Variants in TNS4 observed in about 807,000 individuals in gnomAD.
TNS4 encodes tensin-4.
In TNS4, 46 loss-of-function variants were observed where a neutral mutation model predicts 70.4. The observed-to-expected ratio is 0.65, with a 90% CI of 0.52 to 0.84. The LOEUF (loss-of-function observed/expected upper bound fraction) is 0.84, where lower values mean the gene tolerates loss of function less well. TNS4 is among the 40% of genes least tolerant of loss of function. TNS4 has a pLI of 0.00. For missense variants in TNS4, 863 were observed against 907.0 expected (o/e 0.95, Z 0.62); for synonymous variants, 390 against 366.6 (o/e 1.06, Z -0.73).
chr17:40,495,873 T>G (rs2036135784), intron 2 of TNS4, 114 bp downstream of exon 2: 2 of 1,204,494 alleles, frequency 1.7e-6, no homozygotes, highest in South Asian at 3.3e-5. Context: ...TGGTTAGGTT[T>G]GCACAGCACC....
chr17:40,487,774 G>T (rs957916132), intron 3 of TNS4, among the ~76,000 whole-genome samples: 1 of 152,236 alleles, frequency 6.6e-6, no homozygotes, highest in African/African-American at 2.4e-5. Flanking sequence ...TGACTGAGCT[G>T]TCGGATCAGG....
intron 2 of TNS4, among the ~76,000 whole-genome samples, chr17:40,492,226 T>A (rs2036081529): frequency 6.6e-6 from 1 of 152,186 alleles, no homozygotes; most frequent in Non-Finnish European, 1.5e-5. Context: ...GCCCAGAGCC[T>A]GGGATTTGAG....
At chr17:40,497,087 C>T (rs973506422) in intron 1 of TNS4, among the ~76,000 whole-genome samples, 1 of 152,162 alleles carries the variant, frequency 6.6e-6, no homozygotes, top group African/African-American at 2.4e-5. Context: ...GATGTCTGAG[C>T]ACCTGCACTT....
At chr17:40,491,822 C>T (rs774742056) in intron 2 of TNS4, among the ~76,000 whole-genome samples, 2 of 151,758 alleles carry the variant, frequency 1.3e-5, no homozygotes, top group Non-Finnish European at 2.9e-5. Context: ...CCCAGGCAGG[C>T]GGGTGAGTGG....
rs191583515 is a variant in TNS4 at position 40,479,396 on chromosome 17, C to T, written c.1910+278G>A. ...TCCTGACCTCAGGTGATCCGCCCGC[C>T]TCGGCCTCCCAAAGTGCTGGGATTA... On this transcript the variant is annotated intron_variant, in intron 10 of 12. Coordinates refer to ENST00000254051, the MANE Select transcript of TNS4 (RefSeq NM_032865.6). Among the ~76,000 whole-genome samples the T allele has an allele frequency of 7.0e-3, 1,063 of 152,334 alleles. 19 individuals are homozygous for T. Among genetic ancestry groups the T allele is most frequent in the African/African-American group, 0.025 (1,030 of 41,582 alleles).
Position 40,496,248 on chromosome 17 carries a change from T to G in TNS4, c.178A>C (p.Met60Leu). 2 of 1,596,904 alleles carry G rather than the reference T, an allele frequency of 1.3e-6. No homozygotes were observed. Among genetic ancestry groups the G allele is most frequent in the Non-Finnish European group, 1.7e-6 (2 of 1,172,180 alleles). Reference sequence around the variant, plus strand: ...TGCTGGAGTCGGCCAGGGGGCCCCATGCAGGGCACGGGGGCCATCAGGGCC... The same window carrying G: ...TGCTGGAGTCGGCCAGGGGGCCCCAGGCAGGGCACGGGGGCCATCAGGGCC... Reference protein sequence around the residue: ...AQALMAPVPCMGPPGRLQQAP... With the variant: ...AQALMAPVPCLGPPGRLQQAP... Residue 60 changes from methionine to leucine, a missense_variant, in exon 2 of 13, where the codon ATG becomes CTG. Coordinates refer to ENST00000254051, the MANE Select transcript of TNS4 (RefSeq NM_032865.6).
In TNS4 at chr17:40,488,724, G is replaced by A; in HGVS notation, c.685C>T (p.Pro229Ser). 6.3e-7 allele frequency: 1 copy of A among 1,593,018 alleles called. No homozygotes were observed. The highest frequency in any genetic ancestry group is 8.5e-7 in the Non-Finnish European group (1 of 1,170,102). ...CCCATGCAAGGGATTGAGATGCTGG[G>A]GGAATTTGGGGGTCGAGGGGAGAGA... ...EGLSPRPPNS[P>S]SISIPCMGSK... Residue 229 changes from proline (P) to serine (S), a missense_variant, in exon 3 of 13, where the codon CCC becomes TCC. Coordinates refer to ENST00000254051, the MANE Select transcript of TNS4 (RefSeq NM_032865.6).
At chr17:40,495,936 A>G (rs764890276) in intron 2 of TNS4, 51 bp downstream of exon 2, 2 of 1,541,270 alleles carry the variant, frequency 1.3e-6, no homozygotes, top group South Asian at 1.3e-5. Context: ...CTTCTTCCTC[A>G]TGAGGTCTGG....
Position 40,488,937 on chromosome 17 carries a change from A to G in TNS4, c.472T>C (p.Ser158Pro), listed in dbSNP as rs754795921. 2.5e-6 allele frequency: 4 copies of G among 1,594,958 alleles called. No homozygotes were observed. Among genetic ancestry groups the G allele is most frequent in the Non-Finnish European group, 3.4e-6 (4 of 1,173,222 alleles). ...IKYIEVTSARSRCHDGPQHCS... is the reference protein window; with the variant it reads ...IKYIEVTSARPRCHDGPQHCS... ...TGCTGGGGGCCATCGTGGCACCTTG[A>G]TCTGGCGGAGGTCACCTCGATGTAC... The change falls in exon 3 of 13, where the codon TCA (serine) becomes CCA (proline). Residue 158 changes from serine to proline, a missense_variant. Physicochemically the swap from Ser to Pro is moderately conservative, Grantham distance 74 (BLOSUM62 -1). Coordinates refer to ENST00000254051, the MANE Select transcript of TNS4 (RefSeq NM_032865.6).
intron 4 of TNS4, among the ~76,000 whole-genome samples, chr17:40,485,475 C>T (rs2035979227): frequency 6.6e-6 from 1 of 152,190 alleles, no homozygotes; most frequent in Non-Finnish European, 1.5e-5. Context: ...AATAGCAGAT[C>T]TGGGCAGAAA....
At chr17:40,485,126 C>T (rs139958184) in intron 4 of TNS4, 119 bp from the exon 5 acceptor site, 12 of 794,826 alleles carry the variant, frequency 1.5e-5, no homozygotes, top group Non-Finnish European at 2.5e-5. Context: ...CATTCAACCA[C>T]CATCCCAGAC....
chr17:40,480,583 A>T (rs2035908545), intron 9 of TNS4, 117 bp downstream of exon 9: 10 of 1,009,978 alleles, frequency 9.9e-6, no homozygotes, highest in Non-Finnish European at 1.2e-5. Flanking sequence ...CAAAGCTGAG[A>T]TGGGAAACAC....
chr17:40,480,805 C>T (rs754579072), intron 8 of TNS4, 37 bp from the exon 9 acceptor site: 19 of 1,596,068 alleles, frequency 1.2e-5, no homozygotes, highest in South Asian at 5.7e-5. Flanking sequence ...CCCAAAGGGG[C>T]GGGGGTGGAG....
rs1041189004 is a variant in TNS4, at chr17:40,500,388, C to T, written c.-96+1146G>A. The stretch of plus-strand genomic sequence containing the variant: ...CTGTATTCCTGAATGCTGCCCCCTT[C>T]GCGGCCCCGCACACTCCTCTAACTT... On this transcript the variant is annotated intron_variant, in intron 1 of 12. Coordinates refer to ENST00000254051, the MANE Select transcript of TNS4 (RefSeq NM_032865.6). Among the ~76,000 whole-genome samples the T allele has an allele frequency of 5.9e-5, 9 of 152,318 alleles. No homozygotes were observed. The East Asian group carries it at 1.5e-3, about 26-fold the overall frequency.
intron 1 of TNS4, among the ~76,000 whole-genome samples, chr17:40,497,121 G>A (rs948655458): frequency 5.9e-5 from 9 of 152,176 alleles, no homozygotes; most frequent in African/African-American, 2.2e-4. Context: ...AAACAGACAA[G>A]TAAGTGGGTG....
At chr17:40,485,941 A>C (rs867240585) in intron 4 of TNS4, among the ~76,000 whole-genome samples, 1 of 152,330 alleles carries the variant, frequency 6.6e-6, no homozygotes, top group African/African-American at 2.4e-5. Flanking sequence ...TTGCCTCCAC[A>C]TGGCTTCGTG....
rs367818727 is a variant in TNS4, at chr17:40,484,992, A to G, written c.1304T>C (p.Met435Thr). ...CATCACGAACTTCATGGTGGGCTGCATGTCCCTGGCGGGACCTGGAGACAG... is the reference window on the plus strand; with the variant it reads ...CATCACGAACTTCATGGTGGGCTGCGTGTCCCTGGCGGGACCTGGAGACAG... ...TTCPEGPARD[M>T]QPTMKFVMDT... The change falls in exon 5 of 13, where the codon ATG becomes ACG. Residue 435 changes from methionine (M) to threonine (T), a missense_variant. By Grantham distance (81) the Met-to-Thr change is moderately conservative. Transcript: ENST00000254051. The G allele has an allele frequency of 6.7e-5, 108 of 1,614,100 alleles. No homozygotes were observed. The African/African-American group carries it at 1.3e-3, about 20-fold the overall frequency.
rs1334590055 is a variant in TNS4, at chr17:40,495,983, T to G, written c.439+4A>C. On this transcript the variant is annotated splice_donor_region_variant and intron_variant, in intron 2 of 12. Transcript: ENST00000254051. ...CCTCCTGGTACTGTGCCCCAAATCC[T>G]TACCCAAGGCTTCAGATTCCTCCTT... 2 of 1,603,988 alleles carry G rather than the reference T, an allele frequency of 1.2e-6. No homozygotes were observed. The highest frequency in any genetic ancestry group is 1.7e-6 in the Non-Finnish European group (2 of 1,176,064).
chr17:40,501,289 A>G (rs1044032924), intron 1 of TNS4, among the ~76,000 whole-genome samples: 1 of 152,098 alleles, frequency 6.6e-6, no homozygotes, highest in Non-Finnish European at 1.5e-5. Flanking sequence ...TCTACTAAAC[A>G]TAAGAAAATT....
Sources: allele counts gnomAD v4.1 joint callset (sites outside exome capture counted in the v4.1 genomes callset), GRCh38; gene constraint gnomAD v4.1.1; transcripts MANE v1.5; gene names NCBI Gene and HGNC (gene_info 2026-07-23, HGNC 2026-07-21).